CLSTN2: variants seen among roughly 807,000 people sequenced by gnomAD.
CLSTN2 encodes the protein calsyntenin 2.
CLSTN2 carries 48 observed loss-of-function variants against 101.2 expected under a neutral mutation model. The observed-to-expected ratio is 0.47, with a 90% CI of 0.38 to 0.60. The LOEUF is 0.60. CLSTN2 is among the 20% of genes least tolerant of loss of function. The pLI is 0.00. For synonymous variants in CLSTN2, 481 were observed against 463.6 expected, an observed-to-expected ratio of 1.04 and a Z score of -0.48; for missense variants, 1,160 against 1,238.2, an observed-to-expected ratio of 0.94 and a Z score of 0.95.
At chr3:140,460,504 T>C (rs755649956) in intron 7 of CLSTN2, among the ~76,000 whole-genome samples, 2 of 152,240 alleles carry the variant, frequency 1.3e-5, no homozygotes, top group Admixed American at 1.3e-4. Context: ...TAATCTGTGT[T>C]AGCTATTACT....
rs772707781 is a variant in CLSTN2, at chr3:140,366,873, C to T, written c.233-36756C>T. Among the ~76,000 whole-genome samples, 47 of 152,190 alleles carry T rather than the reference C, an allele frequency of 3.1e-4. 1 individual carries two copies. Among genetic ancestry groups the T allele is most frequent in the Non-Finnish European group, 1.5e-4 (10 of 68,034 alleles). ...AATGTTGAAGAGCCGATGTCCTGGG[C>T]GTTGTGAATGACAAGGCTGCTCTTA... On this transcript the variant is annotated intron_variant, in intron 2 of 16. Transcript: ENST00000458420.
intron 1 of CLSTN2, among the ~76,000 whole-genome samples, chr3:140,092,496 T>TA (rs2008795600): frequency 6.6e-6 from 1 of 152,194 alleles, no homozygotes; most frequent in African/African-American, 2.4e-5. Flanking sequence ...AATTAAGTGT[T>TA]AGAGAGGCTT....
chr3:140,295,548 A>G (rs980203851), intron 2 of CLSTN2, among the ~76,000 whole-genome samples: 1 of 152,210 alleles, frequency 6.6e-6, no homozygotes, highest in African/African-American at 2.4e-5. Context: ...TTAAAGTGAT[A>G]TAAAGTTCTA....
chr3:140,341,956 G>T (rs920359662), intron 2 of CLSTN2, among the ~76,000 whole-genome samples: 13 of 152,270 alleles, frequency 8.5e-5, no homozygotes, highest in South Asian at 2.1e-4. Context: ...GGAAGGCAAG[G>T]TTCAGTGAGG....
intron 5 of CLSTN2, among the ~76,000 whole-genome samples, chr3:140,446,931 C>G (rs1308097346): frequency 6.6e-6 from 1 of 152,206 alleles, no homozygotes; most frequent in Non-Finnish European, 1.5e-5. Flanking sequence ...TTGTTCACTG[C>G]TGTACCCTTT....
At chr3:140,315,594 C>T (rs1320358248) in intron 2 of CLSTN2, among the ~76,000 whole-genome samples, 1 of 152,144 alleles carries the variant, frequency 6.6e-6, no homozygotes, top group Admixed American at 6.5e-5. Flanking sequence ...TCCATTGTTT[C>T]CTTGCTCAGT....
chr3:140,510,625 G>A (rs1388012953), intron 8 of CLSTN2, among the ~76,000 whole-genome samples: 2 of 152,186 alleles, frequency 1.3e-5, no homozygotes, highest in African/African-American at 4.8e-5. Flanking sequence ...CTGCTCCCCT[G>A]CACTCCAGCA....
chr3:140,432,395 T>G (rs1226306849), intron 5 of CLSTN2, among the ~76,000 whole-genome samples: 1 of 152,062 alleles, frequency 6.6e-6, no homozygotes, highest in Admixed American at 6.6e-5. Context: ...CACAATGGAG[T>G]ACTTTTTCCT....
intron 1 of CLSTN2, among the ~76,000 whole-genome samples, chr3:140,034,637 G>A (rs1245470750): frequency 6.6e-6 from 1 of 152,198 alleles, no homozygotes; most frequent in Admixed American, 6.5e-5. Flanking sequence ...TTCTTCAGTT[G>A]GAATTCCAGC....
At chr3:140,128,769 G>A (rs1277677109) in intron 1 of CLSTN2, among the ~76,000 whole-genome samples, 1 of 152,150 alleles carries the variant, frequency 6.6e-6, no homozygotes, top group East Asian at 1.9e-4. Context: ...GAGAGGGCAG[G>A]CGAGAGAGCT....
chr3:140,233,834 C>G (rs1323057268), intron 2 of CLSTN2, among the ~76,000 whole-genome samples: 1 of 152,178 alleles, frequency 6.6e-6, no homozygotes, highest in East Asian at 1.9e-4. Context: ...AGCTGGTGCT[C>G]TAGAATGGGG....
chr3:140,254,602 CA>C (rs1276213649), intron 2 of CLSTN2, among the ~76,000 whole-genome samples: 1 of 152,066 alleles, frequency 6.6e-6, no homozygotes, highest in Non-Finnish European at 1.5e-5. Flanking sequence ...CTACAGTTTA[CA>C]GTGAGAAAAT....
At chr3:140,419,034 T>TTA (rs1553741920) in intron 4 of CLSTN2, among the ~76,000 whole-genome samples, 8 of 150,832 alleles carry the variant, frequency 5.3e-5, no homozygotes, top group African/African-American at 2.0e-4. Flanking sequence ...GACCTTTTTT[T>TTA]AAAAAAAAAA....
At chr3:140,472,791 G>A (rs1049206823) in intron 8 of CLSTN2, among the ~76,000 whole-genome samples, 2 of 152,164 alleles carry the variant, frequency 1.3e-5, no homozygotes, top group Non-Finnish European at 2.9e-5. Context: ...AATAATATAT[G>A]TATGTGTGTT....
chr3:140,096,790 G>A (rs1398205138), intron 1 of CLSTN2, among the ~76,000 whole-genome samples: 1 of 152,202 alleles, frequency 6.6e-6, no homozygotes, highest in Non-Finnish European at 1.5e-5. Context: ...TCTTCGTCTG[G>A]AATAGGAGGC....
chr3:140,382,663 T>C (rs1286712517), intron 2 of CLSTN2, among the ~76,000 whole-genome samples: 1 of 152,166 alleles, frequency 6.6e-6, no homozygotes, highest in Non-Finnish European at 1.5e-5. Context: ...GGGTAGCTTA[T>C]AGAAAACAGA....
At chr3:140,266,270 TA>T (rs2086693306) in intron 2 of CLSTN2, among the ~76,000 whole-genome samples, 1 of 151,978 alleles carries the variant, frequency 6.6e-6, no homozygotes, top group Non-Finnish European at 1.5e-5. Context: ...ATGAAACCAA[TA>T]AAAAGCATAA....
intron 1 of CLSTN2, among the ~76,000 whole-genome samples, chr3:140,083,990 G>A (rs915086345): frequency 2.0e-5 from 3 of 152,134 alleles, no homozygotes; most frequent in Non-Finnish European, 2.9e-5. Flanking sequence ...CACATAAACT[G>A]GAGATCGGTA....
intron 2 of CLSTN2, among the ~76,000 whole-genome samples, chr3:140,193,302 T>C (rs1282041013): frequency 3.4e-5 from 5 of 148,624 alleles, no homozygotes; most frequent in African/African-American, 1.2e-4. Context: ...ACACTTCCTT[T>C]AACCACCTTT....
Sources: gnomAD v4.1 joint callset for allele counts (sites outside exome capture counted in the v4.1 genomes callset) on GRCh38, gnomAD v4.1.1 for gene constraint, MANE v1.5 for transcripts, NCBI Gene and HGNC (gene_info 2026-07-23, HGNC 2026-07-21) for gene names.